ZNF724: variants seen among roughly 807,000 people sequenced by gnomAD.
The protein encoded by ZNF724 is zinc finger protein 724.
ZNF724 carries 14 observed loss-of-function variants against 29.3 expected under a neutral mutation model. The observed-to-expected ratio is 0.48, with a 90% CI of 0.32 to 0.75. The LOEUF (loss-of-function observed/expected upper bound fraction) is 0.75. ZNF724 is among the 30% of genes least tolerant of loss of function. The pLI, the probability that ZNF724 is intolerant of heterozygous loss-of-function variation, is 0.04. For synonymous variants in ZNF724, 180 were observed against 193.6 expected, an observed-to-expected ratio of 0.93 and a Z score of 0.58; for missense variants, 557 against 571.2, an observed-to-expected ratio of 0.98 and a Z score of 0.25.
intron 1 of ZNF724, among the ~76,000 whole-genome samples, chr19:23,239,947 G>GA (rs980355379): frequency 2.5e-4 from 37 of 148,922 alleles, no homozygotes; most frequent in African/African-American, 9.6e-4. Flanking sequence ...TTAAATATTT[G>GA]AAAAAAATTA....
Position 23,223,491 on chromosome 19 carries a change from T to C in ZNF724, c.754A>G (p.Lys252Glu), listed in dbSNP as rs1201074079. The C allele has an allele frequency of 1.3e-6, 1 of 754,076 alleles. No individual in the cohort carries two copies. The highest frequency in any genetic ancestry group is 2.5e-6 in the Non-Finnish European group (1 of 405,526). 46.7% of individuals were successfully genotyped at this position (754,076 alleles called of 1,614,324 possible). A position where few individuals can be genotyped will look rare whatever the true frequency, so the allele number is the denominator to read the frequency against. Residue 252 changes from lysine to glutamate, a missense_variant, in exon 4 of 4, where the codon AAA becomes GAA. Physicochemically the swap from Lys to Glu is moderately conservative, Grantham distance 56. Transcript: ENST00000418100. ...CCACATTCTTCACGTTTGTAGGATT[T>C]CTCTCCAGTATGAATTATCTTATGT... is the stretch of plus-strand genomic sequence containing the variant. The part of the protein sequence containing the change: ...NTHKIIHTGE[K>E]SYKREECGKA...
intron 1 of ZNF724, among the ~76,000 whole-genome samples, chr19:23,237,786 AAC>A (rs983828627): frequency 1.3e-5 from 2 of 152,080 alleles, no homozygotes; most frequent in African/African-American, 4.8e-5. Context: ...CACTACACAT[AAC>A]CATGCTAATT....
chr19:23,228,373 C>G (rs959870103), intron 3 of ZNF724, among the ~76,000 whole-genome samples: 1 of 151,670 alleles, frequency 6.6e-6, no homozygotes, highest in African/African-American at 2.4e-5. Context: ...TTGATCGAAC[C>G]CAGCCGGGAG....
chr19:23,222,384 C>A lies in ZNF724; in HGVS notation c.*1G>T. On this transcript the variant is annotated 3_prime_UTR_variant, in exon 4 of 4. Coordinates refer to ENST00000418100, the MANE Select transcript of ZNF724 (RefSeq NM_001355404.2). ...GAGCCACCACGCCTGGTCCATTTTTCTTATTTGTCAGATTTTTCTACAGCA... is the reference window on the plus strand; with the variant it reads ...GAGCCACCACGCCTGGTCCATTTTTATTATTTGTCAGATTTTTCTACAGCA... The A allele has an allele frequency of 9.1e-7, 1 of 1,101,040 alleles. No homozygotes were observed. The allele number at this position is 1,101,040 out of a possible 1,614,324, so 68.2% of individuals were successfully genotyped here.
chr19:23,238,162 G>A (rs1210800857), intron 1 of ZNF724, among the ~76,000 whole-genome samples: 1 of 151,880 alleles, frequency 6.6e-6, no homozygotes, highest in Admixed American at 6.6e-5. Context: ...TCAGGAGATG[G>A]AGACCATCCT....
intron 1 of ZNF724, among the ~76,000 whole-genome samples, chr19:23,238,096 C>A (rs569382816): frequency 7.9e-5 from 12 of 152,216 alleles, no homozygotes; most frequent in African/African-American, 2.9e-4. Context: ...ACAACAACAA[C>A]AACAAAACCT....
chr19:23,234,305 AGTAAAGGGATTTCTAATAATTAGCCAT>A (rs1326525674), intron 1 of ZNF724, among the ~76,000 whole-genome samples: 4 of 152,244 alleles, frequency 2.6e-5, no homozygotes, highest in Non-Finnish European at 5.9e-5. Context: ...AGAAGGCACA[AGTAAAGGGATTTCTAATAATTAGCCAT>A]GTAATTTGAG....
At chr19:23,230,458 C>A (rs1281921978) in intron 3 of ZNF724, among the ~76,000 whole-genome samples, 1 of 151,230 alleles carries the variant, frequency 6.6e-6, no homozygotes, top group Non-Finnish European at 1.5e-5. Flanking sequence ...ATGAGGACAA[C>A]GTACTTTATA....
chr19:23,229,752 A>G (rs961444549), intron 3 of ZNF724, among the ~76,000 whole-genome samples: 2 of 152,174 alleles, frequency 1.3e-5, no homozygotes, highest in Non-Finnish European at 2.9e-5. Flanking sequence ...TGGGTGCCCA[A>G]CAAAAGATCT....
chr19:23,230,459 G>A (rs1322990121), intron 3 of ZNF724, among the ~76,000 whole-genome samples: 4 of 151,042 alleles, frequency 2.6e-5, no homozygotes, highest in East Asian at 3.9e-4. Flanking sequence ...TGAGGACAAC[G>A]TACTTTATAA....
chr19:23,244,500 G>C (rs933115397), intron 1 of ZNF724, among the ~76,000 whole-genome samples: 5 of 152,246 alleles, frequency 3.3e-5, no homozygotes, highest in Non-Finnish European at 7.4e-5. Context: ...TCTAAGAGAA[G>C]ACCTGGAATC....
rs780312526 is a variant in ZNF724, at chr19:23,222,993, C to T, written c.1252G>A (p.Gly418Arg). Residue 418 changes from glycine to arginine, a missense_variant, in exon 4 of 4, where the codon GGA becomes AGA. By Grantham distance (125) the Gly-to-Arg change is moderately radical (BLOSUM62 -2). Coordinates refer to ENST00000418100, the MANE Select transcript of ZNF724 (RefSeq NM_001355404.2). ...HLTTHKRIHT[G>R]EKPYKCEECG... The stretch of plus-strand genomic sequence containing the variant: ...TCTTCACATTTGTAGGGTTTCTCTC[C>T]GGTATGAATTCTTTTATGTGTGGTG... 1.7e-5 allele frequency: 23 copies of T among 1,372,524 alleles called. No homozygotes were observed. Among genetic ancestry groups the T allele is most frequent in the African/African-American group, 8.6e-5 (6 of 70,060 alleles). The allele number at this position is 1,372,524 out of a possible 1,614,324, so 85.0% of individuals were successfully genotyped here.
intron 1 of ZNF724, among the ~76,000 whole-genome samples, chr19:23,241,287 C>A (rs1293813025): frequency 3.9e-5 from 6 of 152,108 alleles, no homozygotes; most frequent in African/African-American, 1.2e-4. Flanking sequence ...AAACCCAAGA[C>A]CAGAAGGTTC....
At chr19:23,243,816 G>A (rs1033162756) in intron 1 of ZNF724, among the ~76,000 whole-genome samples, 2 of 151,410 alleles carry the variant, frequency 1.3e-5, no homozygotes, top group African/African-American at 4.9e-5. Flanking sequence ...CCAACTACTT[G>A]GGAGGCTGAT....
At chr19:23,242,904 T>C (rs1200187203) in intron 1 of ZNF724, among the ~76,000 whole-genome samples, 1 of 150,344 alleles carries the variant, frequency 6.7e-6, no homozygotes, top group Non-Finnish European at 1.5e-5. Context: ...CCAGGTGTGG[T>C]GGCACATGCC....
intron 3 of ZNF724, among the ~76,000 whole-genome samples, chr19:23,224,446 C>A (rs912919734): frequency 2.0e-5 from 3 of 151,760 alleles, no homozygotes; most frequent in Non-Finnish European, 4.4e-5. Context: ...AACTGCATAA[C>A]AAAATACCAA....
intron 3 of ZNF724, among the ~76,000 whole-genome samples, chr19:23,228,311 G>A (rs1384313866): frequency 4.6e-5 from 7 of 150,942 alleles, no homozygotes; most frequent in South Asian, 2.1e-4. Context: ...TTAGCCAGGC[G>A]TGGTGGCGCA....
intron 1 of ZNF724, among the ~76,000 whole-genome samples, chr19:23,248,796 A>T (rs1229529747): frequency 6.6e-6 from 1 of 151,998 alleles, no homozygotes; most frequent in Non-Finnish European, 1.5e-5. Context: ...AAAGGTCGAG[A>T]CCAGCCTGGC....
At chr19:23,237,594 T>A (rs1368580518) in intron 1 of ZNF724, among the ~76,000 whole-genome samples, 1 of 151,742 alleles carries the variant, frequency 6.6e-6, no homozygotes, top group East Asian at 1.9e-4. Flanking sequence ...CTTATATTCA[T>A]AATATTGTAG....
Sources: allele counts gnomAD v4.1 joint callset (sites outside exome capture counted in the v4.1 genomes callset), GRCh38; gene constraint gnomAD v4.1.1; transcripts MANE v1.5; gene names NCBI Gene and HGNC (gene_info 2026-07-23, HGNC 2026-07-21).